Variants in LRRK2 observed in about 807,000 individuals in gnomAD.
LRRK2 encodes leucine-rich repeat serine/threonine-protein kinase 2.
Under a neutral mutation model 302.6 loss-of-function variants are expected in LRRK2, and 203 were observed. The ratio of observed to expected loss-of-function variants is 0.67; its 90% confidence interval spans 0.60 to 0.75. LRRK2 has a LOEUF of 0.75. LRRK2 is among the 30% of genes least tolerant of loss of function. The probability of loss-of-function intolerance (pLI) is 0.00; values close to 1 mark genes in which losing one functional copy is unlikely to be tolerated. For missense variants in LRRK2, 2,830 were observed against 2,951.0 expected, an observed-to-expected ratio of 0.96 and a Z score of 0.95; for synonymous variants, 1,066 against 1,031.9, an observed-to-expected ratio of 1.03 and a Z score of -0.63.
chr12:40,356,127 T>A lies in LRRK2; in HGVS notation c.6783T>A (p.Asn2261Lys), dbSNP rs745470768. 7.4e-6 allele frequency: 12 copies of A among 1,611,038 alleles called. No homozygotes were observed. The highest frequency in any genetic ancestry group is 6.7e-5 in the Admixed American group (4 of 59,840). ...TTTTTCCTTTTAGCAAACAAAAAAATTTTCTTTTGGTTGGAACCGCTGATG... is the reference window on the plus strand; with the variant it reads ...TTTTTCCTTTTAGCAAACAAAAAAAATTTCTTTTGGTTGGAACCGCTGATG... Reference protein sequence around the residue: ...NSFSKQSKQKNFLLVGTADGK... With the variant: ...NSFSKQSKQKKFLLVGTADGK... The change falls in exon 46 of 51, where the codon AAT becomes AAA. Residue 2261 changes from asparagine (N) to lysine (K), a missense_variant. By Grantham distance (94) the Asn-to-Lys change is moderately conservative (BLOSUM62 0). Transcript: ENST00000298910.
chr12:40,293,755 G>T, intron 21 of LRRK2, 92 bp downstream of exon 21: 1 of 847,364 alleles, frequency 1.2e-6, no homozygotes, highest in Non-Finnish European at 2.0e-6. Context: ...GGAACAATTG[G>T]TAGGGATTTC....
chr12:40,360,401 T>C (rs930661466), intron 47 of LRRK2, among the ~76,000 whole-genome samples: 1 of 152,038 alleles, frequency 6.6e-6, no homozygotes, highest in African/African-American at 2.4e-5. Context: ...TTTGACTCCT[T>C]TGTTTTTTGC....
At chr12:40,344,536 G>C (rs1555193467) in intron 41 of LRRK2, among the ~76,000 whole-genome samples, 1 of 152,074 alleles carries the variant, frequency 6.6e-6, no homozygotes, top group East Asian at 1.9e-4. Flanking sequence ...TTTCTGAAAG[G>C]ATTATGTCGT....
chr12:40,294,549 G>T (rs2136712878), intron 21 of LRRK2, among the ~76,000 whole-genome samples: 1 of 152,006 alleles, frequency 6.6e-6, no homozygotes, highest in East Asian at 1.9e-4. Context: ...GTTATAAAAA[G>T]TAGTTTGGTT....
intron 13 of LRRK2, among the ~76,000 whole-genome samples, chr12:40,261,350 C>G (rs930949563): frequency 6.6e-6 from 1 of 151,988 alleles, no homozygotes; most frequent in African/African-American, 2.4e-5. Context: ...AGTCCAAAAG[C>G]AAGTTTTGAA....
At chr12:40,349,410 A>G (rs1162116309) in intron 43 of LRRK2, among the ~76,000 whole-genome samples, 1 of 152,236 alleles carries the variant, frequency 6.6e-6, no homozygotes, top group Admixed American at 6.5e-5. Context: ...ATGCTGTCAA[A>G]TCTTATGAAA....
At chr12:40,233,074 A>C (rs922210022) in intron 3 of LRRK2, among the ~76,000 whole-genome samples, 1 of 152,154 alleles carries the variant, frequency 6.6e-6, no homozygotes, top group African/African-American at 2.4e-5. Context: ...GACAGTTAAA[A>C]AATATCTTCT....
chr12:40,322,885 A>G (rs558167260), intron 37 of LRRK2, among the ~76,000 whole-genome samples: 1 of 152,224 alleles, frequency 6.6e-6, no homozygotes, highest in South Asian at 2.1e-4. Context: ...GCAAAAGCAG[A>G]GAGTAGATAA....
chr12:40,256,924 A>T (rs1406000651), intron 11 of LRRK2, among the ~76,000 whole-genome samples: 1 of 152,212 alleles, frequency 6.6e-6, no homozygotes. Flanking sequence ...ACCATTATTT[A>T]AACAGATTTC....
chr12:40,318,697 G>T (rs1339202363), intron 33 of LRRK2, among the ~76,000 whole-genome samples: 1 of 152,044 alleles, frequency 6.6e-6, no homozygotes, highest in African/African-American at 2.4e-5. Flanking sequence ...ATGTTGAGTG[G>T]TACAGAGTGC....
intron 11 of LRRK2, among the ~76,000 whole-genome samples, chr12:40,256,748 T>A (rs1942530563): frequency 6.6e-6 from 1 of 152,126 alleles, no homozygotes; most frequent in Non-Finnish European, 1.5e-5. Flanking sequence ...TTCCCCACAC[T>A]CCCAAAAAGC....
chr12:40,295,746 G>A (rs749092583), intron 23 of LRRK2, 102 bp downstream of exon 23: 19 of 1,096,218 alleles, frequency 1.7e-5, no homozygotes, highest in Non-Finnish European at 2.4e-5. Context: ...TTCTACTTTT[G>A]TGTCACTGGG....
chr12:40,310,631 CGAG>C lies in LRRK2; in HGVS notation c.4519_4521del (p.Glu1507del). 1 of 1,612,580 alleles carries C rather than the reference CGAG, an allele frequency of 6.2e-7. No homozygotes were observed. Among genetic ancestry groups the C allele is most frequent in the South Asian group, 1.1e-5 (1 of 90,948 alleles). On this transcript the variant is annotated inframe_deletion, in exon 31 of 51. Transcript: ENST00000298910. ...CAAAACTTCGGAAAACCATCATAAA[CGAG>C]AGCCTTAATTTCAAGGTAACATGGT... is the stretch of plus-strand genomic sequence containing the variant.
At position 40,283,889 on chromosome 12, in the gene LRRK2, G is replaced by C; in HGVS notation, c.2256G>C (p.Glu752Asp). The part of the protein sequence containing the change: ...SSLICQVCEK[E>D]SSPKLVELLL... ...TTCTTTAATAGGTATGTGAGAAAGAGAGCAGTCCCAAATTGGTGGAACTCT... is the reference window on the plus strand; with the variant it reads ...TTCTTTAATAGGTATGTGAGAAAGACAGCAGTCCCAAATTGGTGGAACTCT... The change falls in exon 19 of 51, where the codon GAG (glutamate) becomes GAC (aspartate). Residue 752 changes from glutamate to aspartate, a missense_variant. Physicochemically the swap from Glu to Asp is conservative, Grantham distance 45. Transcript: ENST00000298910. 2 of 1,612,758 alleles carry C rather than the reference G, an allele frequency of 1.2e-6. No homozygotes were observed. The highest frequency in any genetic ancestry group is 2.7e-5 in the African/African-American group (2 of 75,008).
Position 40,320,146 on chromosome 12 carries a change from A to G in LRRK2, c.4986A>G (p.Ile1662Met). 6.2e-7 allele frequency: 1 copy of G among 1,612,278 alleles called. No homozygotes were observed. The highest frequency in any genetic ancestry group is 8.5e-7 in the Non-Finnish European group (1 of 1,178,970). Residue 1662 changes from isoleucine (I) to methionine (M), a missense_variant, in exon 34 of 51, where the codon ATA (isoleucine) becomes ATG (methionine). Transcript: ENST00000298910. ...AAAAATTCCAGATTGCTTTGCCAAT[A>G]GGAGAAGAATATTTGCTGGTTCCAA... ...LLEKFQIALP[I>M]GEEYLLVPSS...
intron 39 of LRRK2, among the ~76,000 whole-genome samples, chr12:40,334,644 T>A (rs1235537046): frequency 6.6e-6 from 1 of 152,176 alleles, no homozygotes; most frequent in East Asian, 1.9e-4. Flanking sequence ...CCTCATCATC[T>A]TCACATTGAG....
At chr12:40,268,101 C>T (rs901299711) in intron 14 of LRRK2, among the ~76,000 whole-genome samples, 1 of 152,122 alleles carries the variant, frequency 6.6e-6, no homozygotes, top group Non-Finnish European at 1.5e-5. Context: ...TCCATTTATG[C>T]CTGATCCTTT....
rs1453352460 is a variant in LRRK2, at chr12:40,368,384, GA to G, written c.*625del. 2 of 151,738 alleles carry G rather than the reference GA, an allele frequency of 1.3e-5. No homozygotes were observed. The highest frequency in any genetic ancestry group is 4.8e-5 in the African/African-American group (2 of 41,374). 9.4% of individuals were successfully genotyped at this position (151,738 alleles called of 1,614,324 possible). On this transcript the variant is annotated 3_prime_UTR_variant, in exon 51 of 51. Transcript: ENST00000298910. ...AGAAAACTCCATTAAAAGTACTAAT[GA>G]AAAAACATGACATACTGTCAAAGTC... is the stretch of plus-strand genomic sequence containing the variant.
chr12:40,291,800 T>C (rs1327657290), intron 20 of LRRK2, among the ~76,000 whole-genome samples: 3 of 152,050 alleles, frequency 2.0e-5, no homozygotes, highest in Non-Finnish European at 4.4e-5. Context: ...GATAGAGAAA[T>C]ATTGAAGTTG....
Sources: gnomAD v4.1 joint callset for allele counts (sites outside exome capture counted in the v4.1 genomes callset) on GRCh38, gnomAD v4.1.1 for gene constraint, MANE v1.5 for transcripts, NCBI Gene and HGNC (gene_info 2026-07-23, HGNC 2026-07-21) for gene names.